PTPRD: variants seen among roughly 807,000 people sequenced by gnomAD.
PTPRD encodes the protein receptor-type tyrosine-protein phosphatase delta.
PTPRD carries 34 observed loss-of-function variants against 214.5 expected under a neutral mutation model. The ratio of observed to expected loss-of-function variants is 0.16; its 90% CI spans 0.12 to 0.21. PTPRD has a LOEUF of 0.21. PTPRD is among the 10% of genes least tolerant of loss of function. The probability of loss-of-function intolerance (pLI) is 1.00; values close to 1 mark genes in which losing one functional copy is unlikely to be tolerated. For synonymous variants in PTPRD, 1,128 were observed against 845.7 expected, an observed-to-expected ratio of 1.33 and a Z score of -5.79; for missense variants, 2,545 against 2,398.7, an observed-to-expected ratio of 1.06 and a Z score of -1.27.
chr9:9,545,649 T>C (rs948491507), intron 8 of PTPRD, among the ~76,000 whole-genome samples: 1 of 151,888 alleles, frequency 6.6e-6, no homozygotes, highest in African/African-American at 2.4e-5. Context: ...CTGATTTCTT[T>C]ATTCTGTTAC....
intron 14 of PTPRD, among the ~76,000 whole-genome samples, chr9:8,548,790 G>A (rs946629161): frequency 5.1e-5 from 7 of 138,386 alleles, no homozygotes; most frequent in Non-Finnish European, 7.6e-5. Context: ...CGCCTCCCAG[G>A]TTCAAGCAAT....
At chr9:9,991,466 A>G (rs2095918567) in intron 4 of PTPRD, among the ~76,000 whole-genome samples, 2 of 151,810 alleles carry the variant, frequency 1.3e-5, no homozygotes, top group Non-Finnish European at 2.9e-5. Context: ...GGTTCAAGCA[A>G]TTCTCCTGCC....
intron 9 of PTPRD, among the ~76,000 whole-genome samples, chr9:9,186,127 A>G (rs966972997): frequency 7.2e-5 from 11 of 152,146 alleles, no homozygotes; most frequent in African/African-American, 2.7e-4. Context: ...AAAATAGATG[A>G]TAAATTCTCA....
intron 2 of PTPRD, among the ~76,000 whole-genome samples, chr9:10,507,481 G>A (rs561284928): frequency 2.6e-5 from 4 of 152,072 alleles, no homozygotes; most frequent in South Asian, 4.2e-4. Flanking sequence ...AAAATAGCCC[G>A]CATTGCCAAG....
At chr9:9,405,449 C>T (rs1012250836) in intron 8 of PTPRD, among the ~76,000 whole-genome samples, 1 of 151,968 alleles carries the variant, frequency 6.6e-6, no homozygotes, top group African/African-American at 2.4e-5. Context: ...ATTAGAATCC[C>T]TTTAATCCTA....
intron 3 of PTPRD, among the ~76,000 whole-genome samples, chr9:10,206,374 G>A (rs2099479067): frequency 6.6e-6 from 1 of 152,132 alleles, no homozygotes; most frequent in Non-Finnish European, 1.5e-5. Context: ...GTCATCTGGA[G>A]TAATCAAGCA....
intron 37 of PTPRD, among the ~76,000 whole-genome samples, chr9:8,379,158 G>C (rs574439674): frequency 3.3e-5 from 5 of 151,990 alleles, no homozygotes; most frequent in Non-Finnish European, 7.4e-5. Flanking sequence ...TTTTTAAAGC[G>C]GATATGTCTA....
chr9:9,104,638 G>A (rs532583057), intron 10 of PTPRD, among the ~76,000 whole-genome samples: 2 of 152,286 alleles, frequency 1.3e-5, no homozygotes, highest in African/African-American at 2.4e-5. Flanking sequence ...TCATGAAACA[G>A]GAGCTTAAAG....
At chr9:8,485,612 AG>A in intron 28 of PTPRD, 149 bp downstream of exon 28, 1 of 734,194 alleles carries the variant, frequency 1.4e-6, no homozygotes, top group Non-Finnish European at 2.2e-6. Context: ...AAGGCATCCA[AG>A]ACGTAGTAAG....
chr9:9,933,763 A>C (rs2087869769), intron 5 of PTPRD, among the ~76,000 whole-genome samples: 1 of 148,886 alleles, frequency 6.7e-6, no homozygotes, highest in East Asian at 1.9e-4. Flanking sequence ...ACCCCAAATC[A>C]ACAGAATATA....
chr9:8,436,642 T>C lies in PTPRD; in HGVS notation c.4036A>G (p.Ile1346Val), dbSNP rs373554730. 2 of 1,613,624 alleles carry C rather than the reference T, an allele frequency of 1.2e-6. No individual in the cohort carries two copies. Among genetic ancestry groups the C allele is most frequent in the Non-Finnish European group, 1.7e-6 (2 of 1,179,758 alleles). Residue 1346 changes from isoleucine (I) to valine (V), a missense_variant, in exon 35 of 46, where the codon ATT (isoleucine) becomes GTT (valine). Ile to Val is a conservative substitution (Grantham distance 29). Coordinates refer to ENST00000381196, the MANE Select transcript of PTPRD (RefSeq NM_002839.4). Reference protein sequence around the residue: ...PIPILELADHIERLKANDNLK... With the variant: ...PIPILELADHVERLKANDNLK... ...TTGTCATTTGCTTTCAATCTTTCAA[T>C]GTGGTCTGCAAGTTCCAAGATGGGT...
chr9:9,046,803 G>A (rs2099673316), intron 10 of PTPRD, among the ~76,000 whole-genome samples: 1 of 152,078 alleles, frequency 6.6e-6, no homozygotes, highest in African/African-American at 2.4e-5. Flanking sequence ...CATACCCTTA[G>A]CTAGTATCAT....
intron 2 of PTPRD, among the ~76,000 whole-genome samples, chr9:10,381,008 C>T (rs775123813): frequency 6.6e-6 from 1 of 151,754 alleles, no homozygotes; most frequent in Non-Finnish European, 1.5e-5. Flanking sequence ...AATCCACAGG[C>T]TGCTTAGAAT....
chr9:9,098,737 A>T (rs539385588), intron 10 of PTPRD, among the ~76,000 whole-genome samples: 1 of 152,220 alleles, frequency 6.6e-6, no homozygotes, highest in Non-Finnish European at 1.5e-5. Context: ...ATACAAATGG[A>T]TACAACATTT....
chr9:8,957,641 C>T (rs1035605462), intron 11 of PTPRD, among the ~76,000 whole-genome samples: 1 of 151,866 alleles, frequency 6.6e-6, no homozygotes, highest in Admixed American at 6.6e-5. Flanking sequence ...ATTGTAAGCT[C>T]TTCAAAGACA....
intron 11 of PTPRD, among the ~76,000 whole-genome samples, chr9:8,980,691 C>T (rs1589249891): frequency 6.6e-6 from 1 of 152,040 alleles, no homozygotes; most frequent in African/African-American, 2.4e-5. Context: ...TAGGAAGAGA[C>T]TGAACAATGT....
chr9:10,258,570 T>G (rs2093458462), intron 3 of PTPRD, among the ~76,000 whole-genome samples: 1 of 152,190 alleles, frequency 6.6e-6, no homozygotes, highest in Non-Finnish European at 1.5e-5. Context: ...CAATGAAAAG[T>G]AATAATTTTA....
intron 9 of PTPRD, among the ~76,000 whole-genome samples, chr9:9,340,344 A>T (rs1169979657): frequency 1.3e-5 from 2 of 152,352 alleles, no homozygotes; most frequent in Non-Finnish European, 2.9e-5. Flanking sequence ...TTTTCTCAGA[A>T]CACTGAAGAT....
At chr9:9,948,352 T>A (rs898928113) in intron 4 of PTPRD, among the ~76,000 whole-genome samples, 9 of 152,086 alleles carry the variant, frequency 5.9e-5, no homozygotes, top group African/African-American at 2.2e-4. Flanking sequence ...GGGATGTGTA[T>A]TCCTTATTGC....
Sources: gnomAD v4.1 joint callset for allele counts (sites outside exome capture counted in the v4.1 genomes callset) on GRCh38, gnomAD v4.1.1 for gene constraint, MANE v1.5 for transcripts, NCBI Gene and HGNC (gene_info 2026-07-23, HGNC 2026-07-21) for gene names.